Variants in PDE1A observed in about 807,000 individuals in gnomAD.
PDE1A encodes dual specificity calcium/calmodulin-dependent 3',5'-cyclic nucleotide phosphodiesterase 1A.
PDE1A carries 35 observed loss-of-function variants against 61.7 expected under a neutral mutation model. The ratio of observed to expected loss-of-function variants is 0.57; its 90% CI spans 0.43 to 0.75. PDE1A has a LOEUF of 0.75. PDE1A is among the 30% of genes least tolerant of loss of function. The pLI is 0.00. For missense variants in PDE1A, 597 were observed against 630.6 expected, an observed-to-expected ratio of 0.95 and a Z score of 0.57; for synonymous variants, 232 against 213.2, an observed-to-expected ratio of 1.09 and a Z score of -0.77.
At chr2:182,265,805 C>T (rs1466892206) in intron 1 of PDE1A, among the ~76,000 whole-genome samples, 1 of 152,094 alleles carries the variant, frequency 6.6e-6, no homozygotes, top group Non-Finnish European at 1.5e-5. Flanking sequence ...TACAGATAAG[C>T]AATATGAAGA....
At chr2:182,338,628 A>G (rs532192288) in intron 1 of PDE1A, among the ~76,000 whole-genome samples, 16 of 151,970 alleles carry the variant, frequency 1.1e-4, no homozygotes, top group Non-Finnish European at 2.2e-4. Context: ...AGGTTCAGCC[A>G]TTCTCCTGCC....
chr2:182,421,053 C>T lies in PDE1A; in HGVS notation c.53+5525G>A, dbSNP rs141346613. Reference sequence around the variant, plus strand: ...ATTCCATCTCTACATACCTACAGGTCGTCTTTTAAACAAGTATCCATCAGT... The same window carrying T: ...ATTCCATCTCTACATACCTACAGGTTGTCTTTTAAACAAGTATCCATCAGT... On this transcript the variant is annotated intron_variant, in intron 1 of 13. Coordinates refer to ENST00000351439, the Ensembl canonical transcript of PDE1A. 5.3e-3 allele frequency among the ~76,000 whole-genome samples: 800 copies of T among 152,222 alleles called. 6 individuals are homozygous for T. Among genetic ancestry groups the T allele is most frequent in the African/African-American group, 0.018 (762 of 41,540 alleles).
chr2:182,389,685 A>G (rs1451335021), intron 1 of PDE1A, among the ~76,000 whole-genome samples: 1 of 152,212 alleles, frequency 6.6e-6, no homozygotes, highest in African/African-American at 2.4e-5. Flanking sequence ...GATCCAAAGT[A>G]TTGTTCCTGG....
intron 1 of PDE1A, among the ~76,000 whole-genome samples, chr2:182,415,630 C>T (rs1271466059): frequency 6.6e-6 from 1 of 152,036 alleles, no homozygotes; most frequent in Non-Finnish European, 1.5e-5. Context: ...TATTTTTTCC[C>T]TCCTGTCTTT....
At chr2:182,240,432 G>GA (rs955064173) in intron 2 of PDE1A, 140 bp from the exon 3 acceptor site, 7 of 490,470 alleles carry the variant, frequency 1.4e-5, no homozygotes, top group Non-Finnish European at 2.0e-5. Flanking sequence ...TCTAAAGAAA[G>GA]AAAAAAAATT....
chr2:182,344,492 A>G (rs1698392198), intron 1 of PDE1A, among the ~76,000 whole-genome samples: 1 of 152,138 alleles, frequency 6.6e-6, no homozygotes, highest in African/African-American at 2.4e-5. Flanking sequence ...CACTCAGAGC[A>G]GAGCATTCGA....
the PDE1A span, among the ~76,000 whole-genome samples, chr2:182,553,266 C>T: frequency 3.3e-5 from 5 of 152,228 alleles, no homozygotes; most frequent in East Asian, 5.8e-4. Flanking sequence ...AAGTGGCTCG[C>T]CACCATCTTG....
At chr2:182,271,815 T>C (rs1443709589) in intron 1 of PDE1A, among the ~76,000 whole-genome samples, 2 of 152,294 alleles carry the variant, frequency 1.3e-5, no homozygotes, top group Middle Eastern at 3.4e-3. Context: ...AAAATTTCTT[T>C]ATTGGTGCTC....
the PDE1A span, among the ~76,000 whole-genome samples, chr2:182,592,949 A>G: frequency 6.6e-6 from 1 of 152,192 alleles, no homozygotes; most frequent in Non-Finnish European, 1.5e-5. Flanking sequence ...CCTTACCCCT[A>G]AAGATAACTG....
At chr2:182,372,929 G>A (rs1700195364) in intron 1 of PDE1A, among the ~76,000 whole-genome samples, 1 of 152,224 alleles carries the variant, frequency 6.6e-6, no homozygotes, top group East Asian at 1.9e-4. Flanking sequence ...TAAGGACAGT[G>A]ATAAAGGAAC....
the PDE1A span, among the ~76,000 whole-genome samples, chr2:182,682,789 T>C: frequency 6.6e-6 from 1 of 152,184 alleles, no homozygotes. Flanking sequence ...GTTAAATGAA[T>C]GTTGTTGTTG....
intron 1 of PDE1A, among the ~76,000 whole-genome samples, chr2:182,394,915 G>A (rs185335107): frequency 6.6e-6 from 1 of 152,190 alleles, no homozygotes; most frequent in Admixed American, 6.5e-5. Context: ...AGAGATTAGT[G>A]CCACCATCAA....
the PDE1A span, among the ~76,000 whole-genome samples, chr2:182,567,041 T>G: frequency 6.6e-6 from 1 of 152,234 alleles, no homozygotes; most frequent in Non-Finnish European, 1.5e-5. Context: ...TCTAGCTTGA[T>G]TAGTTACTTT....
chr2:182,194,270 TA>T (rs1157962544), intron 10 of PDE1A, among the ~76,000 whole-genome samples: 6 of 152,120 alleles, frequency 3.9e-5, no homozygotes, highest in African/African-American at 1.2e-4. Flanking sequence ...ACTATTTTTG[TA>T]AAAAAATTAA....
the PDE1A span, among the ~76,000 whole-genome samples, chr2:182,538,481 T>A: frequency 6.6e-6 from 1 of 152,192 alleles, no homozygotes; most frequent in African/African-American, 2.4e-5. Flanking sequence ...ATTTAGAGAA[T>A]TTTATTGTTT....
intron 8 of PDE1A, among the ~76,000 whole-genome samples, chr2:182,205,306 T>C (rs1687005394): frequency 6.6e-6 from 1 of 152,066 alleles, no homozygotes; most frequent in Non-Finnish European, 1.5e-5. Context: ...AGCAACCCTA[T>C]TGTCAATTGA....
chr2:182,589,111 C>T, the PDE1A span, among the ~76,000 whole-genome samples: 1 of 142,778 alleles, frequency 7.0e-6, no homozygotes, highest in Non-Finnish European at 1.5e-5. Context: ...TCTTTTGACA[C>T]AATTATATTG....
At chr2:182,695,925 C>A in the PDE1A span, among the ~76,000 whole-genome samples, 3 of 152,138 alleles carry the variant, frequency 2.0e-5, no homozygotes, top group African/African-American at 7.2e-5. Flanking sequence ...TACTACATAC[C>A]TATCAGAATG....
At chr2:182,304,736 C>T (rs1048006145) in intron 1 of PDE1A, among the ~76,000 whole-genome samples, 1 of 152,114 alleles carries the variant, frequency 6.6e-6, no homozygotes, top group African/African-American at 2.4e-5. Context: ...CAACATTTAT[C>T]AATTGAGTTG....
Sources: gnomAD v4.1 joint callset for allele counts (sites outside exome capture counted in the v4.1 genomes callset) on GRCh38, gnomAD v4.1.1 for gene constraint, MANE v1.5 for transcripts, NCBI Gene and HGNC (gene_info 2026-07-23, HGNC 2026-07-21) for gene names.